Variants in TRIM9 observed in about 807,000 individuals in gnomAD.
TRIM9 encodes E3 ubiquitin-protein ligase TRIM9.
In TRIM9, 26 loss-of-function variants were observed where a neutral mutation model predicts 78.3. That is an observed-to-expected ratio of 0.33 (90% confidence interval 0.24 to 0.46). The LOEUF is 0.46. TRIM9 is among the 20% of genes least tolerant of loss of function. The pLI, the probability that TRIM9 is intolerant of heterozygous loss-of-function variation, is 1.00. For missense variants in TRIM9, 787 were observed against 1,036.4 expected, an observed-to-expected ratio of 0.76 and a Z score of 3.30; for synonymous variants, 398 against 416.5, an observed-to-expected ratio of 0.96 and a Z score of 0.54.
rs2051027903 is a variant in TRIM9, at chr14:50,975,477, C to T, written c.*1814G>A. 1 of 152,628 alleles carries T rather than the reference C, an allele frequency of 6.6e-6. No homozygotes were observed. Among genetic ancestry groups the T allele is most frequent in the Non-Finnish European group, 1.5e-5 (1 of 68,052 alleles). 9.5% of individuals were successfully genotyped at this position (152,628 alleles called of 1,614,324 possible). ...TCTCATTGGAGAGTAAATCAAATAT[C>T]AAACTAGTGTTGCCCTGCAACAGTT... is the stretch of plus-strand genomic sequence containing the variant. On this transcript the variant is annotated 3_prime_UTR_variant, in exon 13 of 13. Transcript: ENST00000684578.
In TRIM9 at chr14:51,045,788, A is replaced by C. The variant is rs1354400643; in HGVS notation, c.823-20428T>G. 2.0e-5 allele frequency among the ~76,000 whole-genome samples: 3 copies of C among 152,164 alleles called. 1 individual carries two copies. Among genetic ancestry groups the C allele is most frequent in the Non-Finnish European group, 4.4e-5 (3 of 68,024 alleles). On this transcript the variant is annotated intron_variant, in intron 1 of 12. Coordinates refer to ENST00000684578, the MANE Select transcript of TRIM9 (RefSeq NM_001387360.1). ...ATAGGTCCATTATTTGTAATAAATA[A>C]TTTTTTTCATTCACCTTTCTTTGGT...
intron 7 of TRIM9, among the ~76,000 whole-genome samples, chr14:50,992,327 C>T (rs1250289519): frequency 1.3e-5 from 2 of 151,960 alleles, no homozygotes; most frequent in African/African-American, 4.8e-5. Flanking sequence ...CCTGTAATCC[C>T]AGCACTTTGG....
chr14:51,025,495 T>C, intron 1 of TRIM9, 135 bp from the exon 2 acceptor site: 1 of 713,928 alleles, frequency 1.4e-6, no homozygotes, highest in Non-Finnish European at 2.3e-6. Context: ...TGCTGGCATT[T>C]GTACAGGTAG....
chr14:51,057,513 T>G (rs2060986905), intron 1 of TRIM9, among the ~76,000 whole-genome samples: 2 of 152,212 alleles, frequency 1.3e-5, no homozygotes, highest in East Asian at 1.9e-4. Flanking sequence ...TCTGCTAAAA[T>G]AAAAGATACT....
chr14:50,990,620 T>C (rs532423252), intron 7 of TRIM9, among the ~76,000 whole-genome samples: 19 of 152,310 alleles, frequency 1.2e-4, no homozygotes, highest in Middle Eastern at 3.4e-3. Context: ...AGCAAACAGA[T>C]TGTGGTTGCT....
intron 7 of TRIM9, among the ~76,000 whole-genome samples, chr14:50,994,511 C>G (rs898807303): frequency 7.2e-5 from 11 of 152,118 alleles, no homozygotes; most frequent in African/African-American, 2.7e-4. Flanking sequence ...TAGACTTTGT[C>G]CTACAAAGTC....
chr14:51,001,387 G>A (rs1314548094), intron 5 of TRIM9, among the ~76,000 whole-genome samples: 1 of 151,860 alleles, frequency 6.6e-6, no homozygotes, highest in African/African-American at 2.4e-5. Flanking sequence ...CCGCCACCAC[G>A]CCCGGCTAAT....
chr14:51,078,217 C>T (rs1311839282), intron 1 of TRIM9, among the ~76,000 whole-genome samples: 2 of 152,110 alleles, frequency 1.3e-5, no homozygotes, highest in Non-Finnish European at 2.9e-5. Flanking sequence ...GATAAAAGAA[C>T]AGTAGGACAG....
At chr14:51,045,995 A>C (rs761070154) in intron 1 of TRIM9, among the ~76,000 whole-genome samples, 11 of 152,244 alleles carry the variant, frequency 7.2e-5, no homozygotes, top group Non-Finnish European at 1.3e-4. Context: ...AACCAGTGCA[A>C]CACACATTGA....
chr14:51,094,907 G>T lies in TRIM9; in HGVS notation c.33C>A (p.Pro11=). The change falls in exon 1 of 13, where the codon CCC becomes CCA. Residue 11 remains proline (P), a synonymous_variant. Transcript: ENST00000684578. The part of the protein sequence containing the change: MEEMEEELKC[P]VCGSFYREPI... ...GCTCCCGATAGAAGGAGCCGCACAC[G>T]GGGCATTTCAACTCCTCTTCCATCT... 1.3e-6 allele frequency: 2 copies of T among 1,506,438 alleles called. No individual in the cohort carries two copies. The highest frequency in any genetic ancestry group is 1.4e-5 in the South Asian group (1 of 71,642). 93.3% of individuals were successfully genotyped at this position (1,506,438 alleles called of 1,614,324 possible).
chr14:51,042,624 C>T (rs1039593829), intron 1 of TRIM9, among the ~76,000 whole-genome samples: 1 of 152,152 alleles, frequency 6.6e-6, no homozygotes, highest in African/African-American at 2.4e-5. Context: ...AAAGGTAAAC[C>T]CGATATTATC....
chr14:51,030,964 T>C (rs2058674093), intron 1 of TRIM9, among the ~76,000 whole-genome samples: 3 of 151,864 alleles, frequency 2.0e-5, no homozygotes, highest in South Asian at 2.1e-4. Flanking sequence ...TTGGCCAACA[T>C]GGTGAAACCT....
chr14:51,036,945 CTT>C (rs2059205777), intron 1 of TRIM9, among the ~76,000 whole-genome samples: 2 of 151,880 alleles, frequency 1.3e-5, no homozygotes, highest in African/African-American at 4.8e-5. Context: ...ACCATTTTTT[CTT>C]TTTACCTTTT....
At chr14:51,077,940 G>A (rs558593235) in intron 1 of TRIM9, among the ~76,000 whole-genome samples, 5 of 152,308 alleles carry the variant, frequency 3.3e-5, no homozygotes, top group African/African-American at 7.2e-5. Flanking sequence ...ATATAAAAGC[G>A]TTTTGGTTAT....
At chr14:51,053,231 AAG>A (rs1171357704) in intron 1 of TRIM9, among the ~76,000 whole-genome samples, 9 of 151,918 alleles carry the variant, frequency 5.9e-5, no homozygotes, top group African/African-American at 2.2e-4. Flanking sequence ...AAAACGCAAA[AAG>A]AATCTTAAAA....
At chr14:51,013,061 C>G (rs1012745563) in intron 3 of TRIM9, among the ~76,000 whole-genome samples, 2 of 152,066 alleles carry the variant, frequency 1.3e-5, no homozygotes, top group African/African-American at 4.8e-5. Flanking sequence ...CTTTTGTTTC[C>G]TTTGCTTTTG....
chr14:51,068,786 C>T (rs1402205820), intron 1 of TRIM9, among the ~76,000 whole-genome samples: 1 of 152,194 alleles, frequency 6.6e-6, no homozygotes, highest in African/African-American at 2.4e-5. Flanking sequence ...TTAAACCAGG[C>T]ACCTGGCACT....
intron 1 of TRIM9, among the ~76,000 whole-genome samples, chr14:51,062,751 T>C (rs777874237): frequency 6.6e-6 from 1 of 152,192 alleles, no homozygotes; most frequent in Non-Finnish European, 1.5e-5. Context: ...GGCTAATCCC[T>C]GAACTGTGGA....
intron 1 of TRIM9, among the ~76,000 whole-genome samples, chr14:51,044,285 G>C (rs758386244): frequency 6.6e-6 from 1 of 152,142 alleles, no homozygotes; most frequent in Non-Finnish European, 1.5e-5. Flanking sequence ...TGTTGCAGGG[G>C]CTACCAACTG....
Sources: allele counts gnomAD v4.1 joint callset (sites outside exome capture counted in the v4.1 genomes callset), GRCh38; gene constraint gnomAD v4.1.1; transcripts MANE v1.5; gene names NCBI Gene and HGNC (gene_info 2026-07-23, HGNC 2026-07-21).